PLEKHH2: variants seen among roughly 807,000 people sequenced by gnomAD.
The protein encoded by PLEKHH2 is pleckstrin homology, MyTH4 and FERM domain containing H2, also known as pleckstrin homology domain-containing family H member 2.
In PLEKHH2, 129 loss-of-function variants were observed where a neutral mutation model predicts 187.9. That is an observed-to-expected ratio of 0.69 (90% confidence interval 0.59 to 0.79). The LOEUF (loss-of-function observed/expected upper bound fraction) is 0.79. Ranked by LOEUF, PLEKHH2 falls within the 30% of genes least tolerant of loss-of-function variation. The probability of loss-of-function intolerance (pLI) is 0.00; values close to 1 mark genes in which losing one functional copy is unlikely to be tolerated. For synonymous variants in PLEKHH2, 686 were observed against 605.6 expected (o/e 1.13, Z -1.95); for missense variants, 2,076 against 1,751.2 (o/e 1.19, Z -3.31).
intron 8 of PLEKHH2, 62 bp from the exon 9 acceptor site, chr2:43,703,919 T>A: frequency 5.4e-5 from 4 of 73,940 alleles, no homozygotes; most frequent in Non-Finnish European, 8.0e-5. Context: ...AAGTAGTCTT[T>A]TTTTTTTTTT....
intron 2 of PLEKHH2, among the ~76,000 whole-genome samples, chr2:43,651,182 G>T (rs1238581087): frequency 6.6e-6 from 1 of 151,368 alleles, no homozygotes; most frequent in Non-Finnish European, 1.5e-5. Flanking sequence ...TATTCATTTT[G>T]TTCAGCAAAC....
At chr2:43,673,453 A>G (rs993696690) in intron 2 of PLEKHH2, among the ~76,000 whole-genome samples, 5 of 152,148 alleles carry the variant, frequency 3.3e-5, no homozygotes, top group Admixed American at 6.6e-5. Flanking sequence ...ATATTTTCTT[A>G]TTTTTAGCCC....
Position 43,681,183 on chromosome 2 carries a change from C to G in PLEKHH2, c.186+2258C>G, listed in dbSNP as rs1668161529. Reference sequence around the variant, plus strand: ...CTCAGAACATCCTTTTGGTCCACCACTATTCCTCAAAGAATACAGAAAGCT... The same window carrying G: ...CTCAGAACATCCTTTTGGTCCACCAGTATTCCTCAAAGAATACAGAAAGCT... On this transcript the variant is annotated intron_variant, in intron 3 of 29. Transcript: ENST00000282406. 7.4e-5 allele frequency: 51 copies of G among 687,994 alleles called. 1 individual carries two copies. The South Asian group carries it at 7.8e-4, about 10-fold the overall frequency. 42.6% of individuals were successfully genotyped at this position (687,994 alleles called of 1,614,324 possible).
Position 43,712,271 on chromosome 2 carries a change from A to G in PLEKHH2, c.2348A>G (p.Asn783Ser). The G allele has an allele frequency of 6.2e-7, 1 of 1,613,574 alleles. No homozygotes were observed. The highest frequency in any genetic ancestry group is 1.3e-5 in the African/African-American group (1 of 75,050). Residue 783 changes from asparagine to serine, a missense_variant, in exon 15 of 30, where the codon AAT becomes AGT. Physicochemically the swap from Asn to Ser is conservative, Grantham distance 46. Transcript: ENST00000282406. ...HTYYLTADSPNILEEWIKVLQ... is the reference protein window; with the variant it reads ...HTYYLTADSPSILEEWIKVLQ... Reference sequence around the variant, plus strand: ...TACTATCTGACTGCAGATTCTCCCAATATATTGGAAGAGTGGATTAAAGTG... The same window carrying G: ...TACTATCTGACTGCAGATTCTCCCAGTATATTGGAAGAGTGGATTAAAGTG...
intron 19 of PLEKHH2, among the ~76,000 whole-genome samples, chr2:43,732,233 C>G (rs993136788): frequency 6.6e-6 from 1 of 152,098 alleles, no homozygotes; most frequent in Non-Finnish European, 1.5e-5. Flanking sequence ...CATGGAGGCA[C>G]ATACCTGTAA....
intron 2 of PLEKHH2, among the ~76,000 whole-genome samples, chr2:43,645,185 A>G (rs1666126614): frequency 6.6e-6 from 1 of 152,166 alleles, no homozygotes; most frequent in Non-Finnish European, 1.5e-5. Context: ...CGTATTTGAA[A>G]GATGTATCTA....
At position 43,710,257 on chromosome 2, in the gene PLEKHH2, G is replaced by A; in HGVS notation, c.2141G>A (p.Ser714Asn). 1.2e-6 allele frequency: 2 copies of A among 1,614,142 alleles called. No homozygotes were observed. Residue 714 changes from serine to asparagine, a missense_variant, in exon 13 of 30, where the codon AGT becomes AAT. By Grantham distance (46) the Ser-to-Asn change is conservative (BLOSUM62 1). Transcript: ENST00000282406. ...AAATCTGGTTATTTATTAAAAATGAGTGGTAAAGTCAAGTCTTGGAAGCGG... is the reference window on the plus strand; with the variant it reads ...AAATCTGGTTATTTATTAAAAATGAATGGTAAAGTCAAGTCTTGGAAGCGG... ...LEKSGYLLKM[S>N]GKVKSWKRRW...
intron 3 of PLEKHH2, 43 bp downstream of exon 3, chr2:43,678,968 T>C: frequency 7.5e-7 from 1 of 1,331,818 alleles, no homozygotes; most frequent in South Asian, 1.2e-5. Flanking sequence ...CCTGTACTAC[T>C]CACATAAAGA....
At chr2:43,647,799 A>G (rs1666255025) in intron 2 of PLEKHH2, among the ~76,000 whole-genome samples, 1 of 152,108 alleles carries the variant, frequency 6.6e-6, no homozygotes. Flanking sequence ...TCTTGAGAGA[A>G]TACTAATTTG....
chr2:43,680,576 A>G, intron 3 of PLEKHH2: 1 of 178,842 alleles, frequency 5.6e-6, no homozygotes, highest in Non-Finnish European at 1.2e-5. Context: ...TAGAAGGGTA[A>G]GGAGTCTGGC....
chr2:43,764,538 C>T (rs1672552449), intron 29 of PLEKHH2, among the ~76,000 whole-genome samples, 173 bp downstream of exon 29: 2 of 152,148 alleles, frequency 1.3e-5, no homozygotes, highest in South Asian at 4.2e-4. Context: ...ATGGGTCCAA[C>T]TTACATCATC....
chr2:43,706,938 C>G (rs1275780387), intron 10 of PLEKHH2, among the ~76,000 whole-genome samples: 1 of 151,964 alleles, frequency 6.6e-6, no homozygotes, highest in African/African-American at 2.4e-5. Context: ...TGGCTCACGC[C>G]TGTAATCCCA....
At chr2:43,683,139 A>AC (rs1372268251) in intron 3 of PLEKHH2, among the ~76,000 whole-genome samples, 2 of 99,764 alleles carry the variant, frequency 2.0e-5, no homozygotes, top group Non-Finnish European at 4.2e-5. Flanking sequence ...TTATTTATAT[A>AC]CCCTTTTTTT....
At chr2:43,702,712 T>A (rs1039091322) in intron 8 of PLEKHH2, among the ~76,000 whole-genome samples, 6 of 152,142 alleles carry the variant, frequency 3.9e-5, no homozygotes, top group Non-Finnish European at 7.3e-5. Context: ...ATTGCCTCAA[T>A]AAATATGAGT....
chr2:43,667,038 C>T (rs1667252806), intron 2 of PLEKHH2, among the ~76,000 whole-genome samples: 1 of 151,906 alleles, frequency 6.6e-6, no homozygotes, highest in African/African-American at 2.4e-5. Flanking sequence ...TCCATTTTAC[C>T]AATTTTTTTG....
chr2:43,763,550 G>A (rs1382237240), intron 28 of PLEKHH2, among the ~76,000 whole-genome samples: 1 of 151,086 alleles, frequency 6.6e-6, no homozygotes, highest in Non-Finnish European at 1.5e-5. Context: ...CTCCCAAGTA[G>A]CTGGGACCAC....
At chr2:43,686,617 A>C (rs1431898876) in intron 3 of PLEKHH2, among the ~76,000 whole-genome samples, 2 of 152,216 alleles carry the variant, frequency 1.3e-5, no homozygotes, top group Non-Finnish European at 2.9e-5. Context: ...ATTATATGGA[A>C]AGCAAATTAT....
Position 43,700,374 on chromosome 2 carries a change from T to G in PLEKHH2, c.1416T>G (p.Asn472Lys). Reference protein sequence around the residue: ...QLSSDRMFGTNRNAISMIRPL... With the variant: ...QLSSDRMFGTKRNAISMIRPL... Reference sequence around the variant, plus strand: ...GCTCTGACAGGATGTTTGGTACAAATAGAAACGCTATAAGCATGATACGAC... The same window carrying G: ...GCTCTGACAGGATGTTTGGTACAAAGAGAAACGCTATAAGCATGATACGAC... Residue 472 changes from asparagine to lysine, a missense_variant, in exon 8 of 30, where the codon AAT becomes AAG. Transcript: ENST00000282406. 2 of 1,614,058 alleles carry G rather than the reference T, an allele frequency of 1.2e-6. No homozygotes were observed. The highest frequency in any genetic ancestry group is 1.7e-6 in the Non-Finnish European group (2 of 1,180,002).
In PLEKHH2 at chr2:43,726,943, T is replaced by C. The variant is rs1354536554; in HGVS notation, c.2721+492T>C. Among the ~76,000 whole-genome samples, 3 of 150,396 alleles carry C rather than the reference T, an allele frequency of 2.0e-5. No individual in the cohort carries two copies. In the East Asian group the frequency reaches 5.8e-4, roughly 29 times the overall value. The stretch of plus-strand genomic sequence containing the variant: ...CTTATATATTGAGGAAATTGGCTAC[T>C]TAGGAAACATTAGTTTTTCATCTCA... On this transcript the variant is annotated intron_variant, in intron 17 of 29. Transcript: ENST00000282406.
Sources: allele counts gnomAD v4.1 joint callset (sites outside exome capture counted in the v4.1 genomes callset), GRCh38; gene constraint gnomAD v4.1.1; transcripts MANE v1.5; gene names NCBI Gene and HGNC (gene_info 2026-07-23, HGNC 2026-07-21).